WDR27: variants seen among roughly 807,000 people sequenced by gnomAD.
WDR27 encodes the protein WD repeat-containing protein 27.
WDR27 carries 100 observed loss-of-function variants against 114.4 expected under a neutral mutation model. That is an observed-to-expected ratio of 0.87 (90% CI 0.74 to 1.03). The LOEUF is 1.03. Ranked by LOEUF, WDR27 falls within the 50% of genes least tolerant of loss-of-function variation. The pLI is 0.00. For synonymous variants in WDR27, 449 were observed against 423.1 expected, an observed-to-expected ratio of 1.06 and a Z score of -0.75; for missense variants, 1,129 against 1,092.9, an observed-to-expected ratio of 1.03 and a Z score of -0.47.
intron 4 of WDR27, among the ~76,000 whole-genome samples, chr6:169,669,329 C>T (rs1307049569): frequency 1.3e-5 from 2 of 152,202 alleles, no homozygotes; most frequent in African/African-American, 4.8e-5. Context: ...GTTGACACGC[C>T]TGCTGCTAAG....
intron 25 of WDR27, among the ~76,000 whole-genome samples, chr6:169,485,806 C>T (rs1008216199): frequency 1.6e-4 from 24 of 152,294 alleles, no homozygotes; most frequent in African/African-American, 4.3e-4. Context: ...GGGACATATA[C>T]GCCACAGAAC....
intron 23 of WDR27, among the ~76,000 whole-genome samples, chr6:169,588,815 C>T (rs1172911824): frequency 6.6e-6 from 1 of 152,166 alleles, no homozygotes; most frequent in East Asian, 1.9e-4. Flanking sequence ...TTACAAAACA[C>T]AACTGTTACA....
intron 25 of WDR27, among the ~76,000 whole-genome samples, chr6:169,462,263 G>T (rs1784996354): frequency 6.6e-6 from 1 of 152,066 alleles, no homozygotes; most frequent in South Asian, 2.1e-4. Flanking sequence ...TGGCCAACAT[G>T]GTGAACCCCC....
intron 2 of WDR27, among the ~76,000 whole-genome samples, chr6:169,680,437 C>A (rs979550118): frequency 2.6e-5 from 4 of 152,048 alleles, no homozygotes; most frequent in African/African-American, 9.7e-5. Context: ...AAAAAATTAG[C>A]GGGGCTTGGT....
Position 169,621,856 on chromosome 6 carries a change from G to A in WDR27, c.2224-8200C>T, listed in dbSNP as rs144716403. On this transcript the variant is annotated intron_variant, in intron 21 of 25. Coordinates refer to ENST00000448612, the MANE Select transcript of WDR27 (RefSeq NM_182552.5). Reference sequence around the variant, plus strand: ...TTCACGCATATACACACATATTCACGCATATACATATGAACACACTCAGGC... The same window carrying A: ...TTCACGCATATACACACATATTCACACATATACATATGAACACACTCAGGC... Among the ~76,000 whole-genome samples the A allele has an allele frequency of 2.3e-3, 344 of 152,132 alleles. 3 individuals carry two copies. Among genetic ancestry groups the A allele is most frequent in the African/African-American group, 7.5e-3 (310 of 41,498 alleles).
At position 169,673,713 on chromosome 6, in the gene WDR27, G is replaced by A. The variant is rs7764526; in HGVS notation, c.190-1317C>T. Among the ~76,000 whole-genome samples, 349 of 152,216 alleles carry A rather than the reference G, an allele frequency of 2.3e-3. 2 individuals carry two copies. Among genetic ancestry groups the A allele is most frequent in the African/African-American group, 7.9e-3 (328 of 41,518 alleles). On this transcript the variant is annotated intron_variant, in intron 2 of 25. Coordinates refer to ENST00000448612, the MANE Select transcript of WDR27 (RefSeq NM_182552.5). ...TGTAATTAAATGAGTCATCCTCAGG[G>A]ACACAAACAGAACTATCATATTGGG... is the stretch of plus-strand genomic sequence containing the variant.
At chr6:169,648,401 G>C (rs1821349744) in intron 15 of WDR27, among the ~76,000 whole-genome samples, 1 of 152,232 alleles carries the variant, frequency 6.6e-6, no homozygotes, top group African/African-American at 2.4e-5. Context: ...AGCGTGCTCT[G>C]TCTGGACAGT....
chr6:169,628,988 C>G (rs1412367196), intron 21 of WDR27, among the ~76,000 whole-genome samples: 1 of 152,172 alleles, frequency 6.6e-6, no homozygotes, highest in Non-Finnish European at 1.5e-5. Context: ...TTAGCACATA[C>G]TAAGAGATTT....
At chr6:169,524,028 A>G (rs1358876919) in intron 25 of WDR27, among the ~76,000 whole-genome samples, 2 of 152,162 alleles carry the variant, frequency 1.3e-5, no homozygotes, top group Non-Finnish European at 2.9e-5. Flanking sequence ...ATGATCTTGT[A>G]CTTAGAAAAA....
At chr6:169,461,384 A>T (rs749397666) in intron 25 of WDR27, among the ~76,000 whole-genome samples, 4 of 152,194 alleles carry the variant, frequency 2.6e-5, no homozygotes, top group Non-Finnish European at 5.9e-5. Context: ...AAATCTCAAT[A>T]GATTTAAAAA....
chr6:169,519,830 A>C (rs556411671), intron 25 of WDR27, among the ~76,000 whole-genome samples: 1 of 152,308 alleles, frequency 6.6e-6, no homozygotes, highest in East Asian at 1.9e-4. Flanking sequence ...AAAAACTCTG[A>C]GACAACAGTG....
At chr6:169,524,257 T>C (rs902716714) in intron 25 of WDR27, among the ~76,000 whole-genome samples, 16 of 152,028 alleles carry the variant, frequency 1.1e-4, no homozygotes, top group Non-Finnish European at 7.4e-5. Flanking sequence ...AGGAAAAATA[T>C]AAAACAATGA....
At chr6:169,685,432 A>G (rs1782658040) in intron 2 of WDR27, among the ~76,000 whole-genome samples, 1 of 152,234 alleles carries the variant, frequency 6.6e-6, no homozygotes, top group Non-Finnish European at 1.5e-5. Flanking sequence ...AAGAGAATAC[A>G]GATAGACAAT....
chr6:169,573,703 C>T (rs1801812882), intron 24 of WDR27, among the ~76,000 whole-genome samples: 2 of 152,138 alleles, frequency 1.3e-5, no homozygotes, highest in Admixed American at 1.3e-4. Flanking sequence ...CTATCCATTC[C>T]AATAAATTAT....
At chr6:169,639,280 G>C (rs1026121784) in intron 17 of WDR27, among the ~76,000 whole-genome samples, 2 of 152,118 alleles carry the variant, frequency 1.3e-5, no homozygotes, top group Non-Finnish European at 2.9e-5. Context: ...GTGAGTGAAC[G>C]CCTCGGCCCG....
At chr6:169,514,149 A>AAT (rs1471923499) in intron 25 of WDR27, among the ~76,000 whole-genome samples, 1 of 152,036 alleles carries the variant, frequency 6.6e-6, no homozygotes, top group African/African-American at 2.4e-5. Context: ...CTATTGTAAG[A>AAT]ATATATATAT....
intron 24 of WDR27, among the ~76,000 whole-genome samples, chr6:169,579,054 C>G (rs1246810817): frequency 6.6e-6 from 1 of 152,174 alleles, no homozygotes; most frequent in Non-Finnish European, 1.5e-5. Flanking sequence ...ATTGCAAAGA[C>G]CGTCGCAGGC....
intron 23 of WDR27, among the ~76,000 whole-genome samples, chr6:169,588,886 TA>T (rs1377826057): frequency 6.6e-6 from 1 of 152,214 alleles, no homozygotes; most frequent in African/African-American, 2.4e-5. Flanking sequence ...TCCATTTTTT[TA>T]TTGAGGAAAC....
At chr6:169,596,423 C>T (rs1806802466) in intron 23 of WDR27, among the ~76,000 whole-genome samples, 1 of 151,642 alleles carries the variant, frequency 6.6e-6, no homozygotes, top group Admixed American at 6.6e-5. Context: ...TTTTCTAATG[C>T]TTTCCTAATT....
Sources: gnomAD v4.1 joint callset for allele counts (sites outside exome capture counted in the v4.1 genomes callset) on GRCh38, gnomAD v4.1.1 for gene constraint, MANE v1.5 for transcripts, NCBI Gene and HGNC (gene_info 2026-07-23, HGNC 2026-07-21) for gene names.